The following MAMLD1 variants were observed in gnomAD, a reference collection of about 807,000 sequenced individuals.
The protein encoded by MAMLD1 is mastermind-like domain-containing protein 1.
A neutral mutation model predicts 45.0 loss-of-function variants in MAMLD1; 14 were observed. The observed-to-expected ratio is 0.31, with a 90% confidence interval of 0.21 to 0.49. MAMLD1 has a LOEUF of 0.49. Among genes scored for constraint, MAMLD1 ranks in the 20% least tolerant of loss-of-function variants. The probability of loss-of-function intolerance (pLI) is 0.99; values close to 1 mark genes in which losing one functional copy is unlikely to be tolerated. For synonymous variants in MAMLD1, 254 were observed against 247.8 expected, an observed-to-expected ratio of 1.02 and a Z score of -0.24; for missense variants, 543 against 603.6, an observed-to-expected ratio of 0.90 and a Z score of 1.05.
intron 1 of MAMLD1, among the ~76,000 whole-genome samples, chrX:150,444,763 A>G (rs1000057657): frequency 1.8e-5 from 2 of 112,006 alleles, no homozygotes; most frequent in Non-Finnish European, 3.8e-5. Context: ...ACAAAAAGAA[A>G]TGAAACTTTA....
At chrX:150,363,776 G>A (rs5969983) in intron 1 of MAMLD1, among the ~76,000 whole-genome samples, 1 of 112,084 alleles carries the variant, frequency 8.9e-6, no homozygotes, top group Admixed American at 9.3e-5. Flanking sequence ...TTGGCTCGGC[G>A]CCCGTCGGGC....
intron 1 of MAMLD1, among the ~76,000 whole-genome samples, chrX:150,404,000 A>G (rs1387018198): frequency 3.0e-5 from 2 of 66,671 alleles, no homozygotes; most frequent in African/African-American, 1.1e-4. Context: ...AAGAAAGAAG[A>G]AAGGAAGGAA....
intron 1 of MAMLD1, among the ~76,000 whole-genome samples, chrX:150,398,346 AGAG>A (rs1557402330): frequency 2.0e-5 from 2 of 98,632 alleles, no homozygotes; most frequent in African/African-American, 8.5e-5. Flanking sequence ...AAGAAGAGGA[AGAG>A]GAAGAGGAAG....
chrX:150,417,420 T>G (rs1384196484), intron 1 of MAMLD1, among the ~76,000 whole-genome samples: 2 of 106,252 alleles, frequency 1.9e-5, no homozygotes, highest in African/African-American at 7.0e-5. Flanking sequence ...TGTTGGACAT[T>G]TGGGTTGGTT....
At chrX:150,488,932 C>T (rs2037083375) in intron 5 of MAMLD1, among the ~76,000 whole-genome samples, 1 of 112,995 alleles carries the variant, frequency 8.8e-6, no homozygotes, top group Non-Finnish European at 1.9e-5. Flanking sequence ...CAGGTAGAGA[C>T]CATCAGAGGA....
At chrX:150,448,390 C>A (rs2124605702) in intron 2 of MAMLD1, among the ~76,000 whole-genome samples, 1 of 111,924 alleles carries the variant, frequency 8.9e-6, no homozygotes, top group Admixed American at 9.4e-5. Flanking sequence ...AGCAATTTGA[C>A]CAAAGTCACA....
intron 4 of MAMLD1, 118 bp downstream of exon 4, chrX:150,471,608 A>G: frequency 9.1e-7 from 1 of 1,093,788 alleles, no homozygotes; most frequent in African/African-American, 1.8e-5. Context: ...CTGAGACTGG[A>G]AAAGACTCTG....
chrX:150,470,743 C>T lies in MAMLD1; in HGVS notation c.1170C>T (p.Ser390=), dbSNP rs1352504474. 11 of 1,210,505 alleles carry T rather than the reference C, an allele frequency of 9.1e-6. No homozygotes were observed. Among genetic ancestry groups the T allele is most frequent in the East Asian group, 3.0e-5 (1 of 33,783 alleles). ...GCTCTCCCAATGCCTTACTGTCAAG[C>T]ATGACGTCCAGCAGCAATGCTGCCC... ...LRGSPNALLS[S]MTSSSNAALG... The change falls in exon 4 of 8, where the codon AGC becomes AGT. Residue 390 remains serine (S), a synonymous_variant. Coordinates refer to ENST00000370401, the MANE Select transcript of MAMLD1 (RefSeq NM_005491.5).
intron 1 of MAMLD1, among the ~76,000 whole-genome samples, chrX:150,414,028 C>CAAAGAAAAAAA (rs2034189041): frequency 3.2e-5 from 1 of 31,344 alleles, no homozygotes; most frequent in Non-Finnish European, 5.0e-5. Context: ...CAGAAAACTG[C>CAAAGAAAAAAA]AAAAAAAAAA....
intron 5 of MAMLD1, among the ~76,000 whole-genome samples, chrX:150,491,279 C>T (rs2037179107): frequency 8.9e-6 from 1 of 111,899 alleles, no homozygotes; most frequent in Non-Finnish European, 1.9e-5. Flanking sequence ...GGAGCTAAGC[C>T]TAGATTTCAG....
At chrX:150,405,227 AT>A (rs2033966677) in intron 1 of MAMLD1, among the ~76,000 whole-genome samples, 1 of 112,042 alleles carries the variant, frequency 8.9e-6, no homozygotes, top group African/African-American at 3.2e-5. Flanking sequence ...CAAATTAGAC[AT>A]TGGGCTGGAT....
chrX:150,451,551 C>A (rs1228317350), intron 2 of MAMLD1, among the ~76,000 whole-genome samples: 1 of 111,721 alleles, frequency 9.0e-6, no homozygotes, highest in Non-Finnish European at 1.9e-5. Flanking sequence ...TTATAAGCTA[C>A]CCCTGGAGTG....
chrX:150,361,633 C>G (rs782591654), upstream of MAMLD1: 17 of 112,598 alleles, frequency 1.5e-4, no homozygotes, highest in African/African-American at 5.5e-4. Context: ...CTGCTGCTGT[C>G]GGAGCAGACG....
At chrX:150,408,937 A>G (rs959328093) in intron 1 of MAMLD1, among the ~76,000 whole-genome samples, 1 of 112,004 alleles carries the variant, frequency 8.9e-6, no homozygotes, top group Non-Finnish European at 1.9e-5. Context: ...GGAGTGGCAA[A>G]GGAAAAAACT....
upstream of MAMLD1, among the ~76,000 whole-genome samples, chrX:150,362,527 CTCTCAGTCTCTGCCT>C (rs782448121): frequency 2.2e-4 from 24 of 109,652 alleles, no homozygotes; most frequent in Non-Finnish European, 4.4e-4. Flanking sequence ...CGGTATCTGT[CTCTCAGTCTCTGCCT>C]TCTCTGTGTC....
At chrX:150,437,592 T>C (rs1829146981) in intron 1 of MAMLD1, among the ~76,000 whole-genome samples, 1 of 112,064 alleles carries the variant, frequency 8.9e-6, no homozygotes, top group African/African-American at 3.2e-5. Context: ...TTGAATTTTG[T>C]TGAAGGCTTT....
chrX:150,363,119 G>A (rs1240170106), upstream of MAMLD1, among the ~76,000 whole-genome samples: 2 of 112,884 alleles, frequency 1.8e-5, no homozygotes, highest in Admixed American at 1.8e-4. Flanking sequence ...GCGGGGTCGC[G>A]GGCAGGGCAG....
chrX:150,474,426 A>G (rs2036522645), intron 5 of MAMLD1, among the ~76,000 whole-genome samples: 1 of 112,361 alleles, frequency 8.9e-6, no homozygotes, highest in Non-Finnish European at 1.9e-5. Context: ...AATACATCTA[A>G]AGCACTTTGA....
intron 1 of MAMLD1, among the ~76,000 whole-genome samples, chrX:150,413,578 G>C (rs2034175023): frequency 9.1e-6 from 1 of 109,986 alleles, no homozygotes; most frequent in African/African-American, 3.3e-5. Context: ...AAAGGGGAGA[G>C]GTAGCAGCTT....
Sources: allele counts gnomAD v4.1 joint callset (sites outside exome capture counted in the v4.1 genomes callset), GRCh38; gene constraint gnomAD v4.1.1; transcripts MANE v1.5; gene names NCBI Gene and HGNC (gene_info 2026-07-23, HGNC 2026-07-21).